The following GRIK2 variants were observed in gnomAD, a reference collection of about 807,000 sequenced individuals.
GRIK2 encodes the protein glutamate receptor ionotropic, kainate 2.
In GRIK2, 32 loss-of-function variants were observed where a neutral mutation model predicts 100.3. That is an observed-to-expected ratio of 0.32 (90% confidence interval 0.24 to 0.43). The LOEUF is 0.43. GRIK2 is among the 20% of genes least tolerant of loss of function. The pLI, the probability that GRIK2 is intolerant of heterozygous loss-of-function variation, is 1.00. For missense variants in GRIK2, 843 were observed against 1,114.9 expected (o/e 0.76, Z 3.47); for synonymous variants, 417 against 389.4 (o/e 1.07, Z -0.83).
intron 14 of GRIK2, among the ~76,000 whole-genome samples, chr6:101,961,419 C>T (rs563309464): frequency 5.4e-4 from 82 of 152,090 alleles, no homozygotes; most frequent in African/African-American, 1.9e-3. Flanking sequence ...TCCTAATAGT[C>T]CTATAATGGT....
chr6:101,691,799 TTAAAA>T (rs1266201714), intron 7 of GRIK2, among the ~76,000 whole-genome samples: 1 of 152,004 alleles, frequency 6.6e-6, no homozygotes, highest in Non-Finnish European at 1.5e-5. Flanking sequence ...TTTGAGTATC[TTAAAA>T]TAAAAATGAG....
At chr6:101,770,960 GAAGAT>G (rs1336778160) in intron 7 of GRIK2, among the ~76,000 whole-genome samples, 1 of 152,034 alleles carries the variant, frequency 6.6e-6, no homozygotes, top group Non-Finnish European at 1.5e-5. Context: ...TTAAAAATCA[GAAGAT>G]AATATATTCA....
chr6:101,857,751 C>T (rs978121084), intron 10 of GRIK2, among the ~76,000 whole-genome samples: 13 of 152,276 alleles, frequency 8.5e-5, no homozygotes, highest in South Asian at 6.2e-4. Flanking sequence ...CAAGTGCCTT[C>T]GATAAAATGT....
At chr6:101,621,797 CCT>C (rs561190018) in intron 2 of GRIK2, 150 bp from the exon 3 acceptor site, 5,753 of 512,920 alleles carry the variant, frequency 0.011, no homozygotes, top group South Asian at 0.016. Context: ...TAAATCTCTC[CCT>C]CTCTCTCTCT....
intron 14 of GRIK2, among the ~76,000 whole-genome samples, chr6:101,987,387 T>C (rs922856765): frequency 7.9e-5 from 12 of 151,704 alleles, no homozygotes; most frequent in African/African-American, 2.9e-4. Flanking sequence ...AATCACATAG[T>C]TTTGCTTTAG....
At chr6:101,547,138 T>A (rs1053056626) in intron 2 of GRIK2, among the ~76,000 whole-genome samples, 89 of 152,222 alleles carry the variant, frequency 5.8e-4, no homozygotes, top group Admixed American at 3.9e-3. Context: ...GCCGTTTTTG[T>A]TTCTTTAGCT....
chr6:101,449,418 A>T (rs965444468), intron 2 of GRIK2, among the ~76,000 whole-genome samples: 1 of 151,704 alleles, frequency 6.6e-6, no homozygotes, highest in African/African-American at 2.4e-5. Context: ...AGCAGTATGT[A>T]TAATGTAGGC....
chr6:101,729,286 C>A (rs537267412), intron 7 of GRIK2, among the ~76,000 whole-genome samples: 69 of 152,046 alleles, frequency 4.5e-4, no homozygotes, highest in African/African-American at 1.6e-3. Context: ...GTTTTCTCCT[C>A]TTTTCTAATT....
At chr6:101,566,812 A>G (rs1777298385) in intron 2 of GRIK2, among the ~76,000 whole-genome samples, 1 of 149,496 alleles carries the variant, frequency 6.7e-6, no homozygotes, top group African/African-American at 2.4e-5. Context: ...TGTCTATTAT[A>G]TATGATAGAC....
chr6:101,838,611 A>G (rs1783292538), intron 10 of GRIK2, among the ~76,000 whole-genome samples: 1 of 151,586 alleles, frequency 6.6e-6, no homozygotes. Context: ...AACATAATTC[A>G]TTACCAACAG....
intron 2 of GRIK2, among the ~76,000 whole-genome samples, chr6:101,596,168 G>A (rs925728087): frequency 6.7e-6 from 1 of 148,526 alleles, no homozygotes; most frequent in Non-Finnish European, 1.5e-5. Flanking sequence ...CATTATCAGT[G>A]GTCAACTGAC....
chr6:101,651,575 T>C (rs971617127), intron 4 of GRIK2, among the ~76,000 whole-genome samples: 1 of 152,078 alleles, frequency 6.6e-6, no homozygotes, highest in Non-Finnish European at 1.5e-5. Flanking sequence ...ATCTGAAGCT[T>C]AAGGGAGGGC....
intron 7 of GRIK2, among the ~76,000 whole-genome samples, chr6:101,799,280 TG>T (rs1244474908): frequency 4.6e-4 from 47 of 102,614 alleles, no homozygotes; most frequent in African/African-American, 1.5e-3. Context: ...GTACTCATTG[TG>T]TGTGTGTGTG....
intron 7 of GRIK2, among the ~76,000 whole-genome samples, chr6:101,729,669 T>C (rs1775121315): frequency 6.6e-6 from 1 of 151,238 alleles, no homozygotes; most frequent in South Asian, 2.1e-4. Flanking sequence ...TACTGATCAC[T>C]GAAATAAGAC....
At chr6:101,961,282 C>G (rs1200407978) in intron 14 of GRIK2, among the ~76,000 whole-genome samples, 3 of 152,144 alleles carry the variant, frequency 2.0e-5, no homozygotes, top group Admixed American at 6.5e-5. Flanking sequence ...CCCAAACAGA[C>G]AGCTTTGTGG....
intron 10 of GRIK2, among the ~76,000 whole-genome samples, chr6:101,846,550 C>A (rs1198609169): frequency 6.6e-6 from 1 of 151,880 alleles, no homozygotes; most frequent in Non-Finnish European, 1.5e-5. Context: ...AGAAGGTGTT[C>A]CCTCCTGTTT....
chr6:101,579,938 T>A lies in GRIK2; in HGVS notation c.116-42011T>A, dbSNP rs184665871. Among the ~76,000 whole-genome samples, 529 of 152,276 alleles carry A rather than the reference T, an allele frequency of 3.5e-3. 3 individuals carry two copies. Among genetic ancestry groups the A allele is most frequent in the Non-Finnish European group, 6.0e-3 (411 of 68,012 alleles). ...GGGCTTCTACAGTCCCATTCTTTTT[T>A]AAATTCCTTTCCAACTTTATGACTA... is the stretch of plus-strand genomic sequence containing the variant. On this transcript the variant is annotated intron_variant, in intron 2 of 16. Coordinates refer to ENST00000369134, the MANE Select transcript of GRIK2 (RefSeq NM_021956.5).
intron 2 of GRIK2, among the ~76,000 whole-genome samples, chr6:101,439,921 C>A (rs1466671015): frequency 7.2e-5 from 11 of 151,946 alleles, no homozygotes; most frequent in African/African-American, 2.7e-4. Flanking sequence ...TGAAAAGATT[C>A]CTGAGAAAAT....
intron 15 of GRIK2, among the ~76,000 whole-genome samples, chr6:102,049,163 A>G (rs1350994413): frequency 6.6e-6 from 1 of 152,118 alleles, no homozygotes; most frequent in Non-Finnish European, 1.5e-5. Flanking sequence ...TGTGCTGTGA[A>G]TTCTTATGAA....
Sources: allele counts gnomAD v4.1 joint callset (sites outside exome capture counted in the v4.1 genomes callset), GRCh38; gene constraint gnomAD v4.1.1; transcripts MANE v1.5; gene names NCBI Gene and HGNC (gene_info 2026-07-23, HGNC 2026-07-21).